The following SIPA1L3 variants were observed in gnomAD, a reference collection of about 807,000 sequenced individuals.
SIPA1L3 encodes signal-induced proliferation-associated 1-like protein 3.
A neutral mutation model predicts 150.1 loss-of-function variants in SIPA1L3; 59 were observed. The observed-to-expected ratio is 0.39, with a 90% CI of 0.32 to 0.49. The LOEUF (loss-of-function observed/expected upper bound fraction) is 0.49, where lower values mean the gene tolerates loss of function less well. Ranked by LOEUF, SIPA1L3 falls within the 20% of genes least tolerant of loss-of-function variation. The pLI is 0.86. For synonymous variants in SIPA1L3, 1,070 were observed against 1,077.6 expected (o/e 0.99, Z 0.14); for missense variants, 2,211 against 2,489.5 (o/e 0.89, Z 2.38).
intron 15 of SIPA1L3, among the ~76,000 whole-genome samples, chr19:38,166,951 G>A (rs1309046145): frequency 6.6e-6 from 1 of 151,408 alleles, no homozygotes; most frequent in Admixed American, 6.6e-5. Flanking sequence ...AAAAAAAAAG[G>A]TGGCTTTGAG....
intron 1 of SIPA1L3, among the ~76,000 whole-genome samples, chr19:37,915,767 T>C (rs1383116995): frequency 6.6e-6 from 1 of 152,234 alleles, no homozygotes; most frequent in Admixed American, 6.5e-5. Flanking sequence ...TTCTTGGACC[T>C]GTAAGGGCCC....
At chr19:38,056,634 A>C (rs12459650) in intron 2 of SIPA1L3, among the ~76,000 whole-genome samples, 9,157 of 152,300 alleles carry the variant, frequency 0.06, 763 homozygotes, top group East Asian at 0.37. Context: ...TATCGTGGTT[A>C]CTGCTTTGTT....
At chr19:37,912,149 A>G (rs922678174) in intron 1 of SIPA1L3, among the ~76,000 whole-genome samples, 1 of 151,938 alleles carries the variant, frequency 6.6e-6, no homozygotes, top group African/African-American at 2.4e-5. Context: ...AGGCAGGAGA[A>G]TTGCTTGAAC....
At chr19:38,069,467 A>C (rs540533043) in intron 2 of SIPA1L3, among the ~76,000 whole-genome samples, 29 of 151,850 alleles carry the variant, frequency 1.9e-4, no homozygotes, top group Non-Finnish European at 3.7e-4. Flanking sequence ...CCACCTGCCC[A>C]CTTGGATGTA....
intron 1 of SIPA1L3, among the ~76,000 whole-genome samples, chr19:37,929,403 GC>G (rs2046533622): frequency 6.6e-6 from 1 of 152,236 alleles, no homozygotes; most frequent in South Asian, 2.1e-4. Context: ...GTGCTTACCA[GC>G]TTTGTTTTGT....
At chr19:38,156,412 C>A (rs988566808) in intron 13 of SIPA1L3, among the ~76,000 whole-genome samples, 17 of 151,378 alleles carry the variant, frequency 1.1e-4, no homozygotes, top group Non-Finnish European at 2.1e-4. Flanking sequence ...TCCCTTCCCT[C>A]TTCTGTCCCC....
intron 3 of SIPA1L3, 150 bp from the exon 4 acceptor site, chr19:38,088,571 G>T (rs183472869): frequency 3.8e-4 from 346 of 905,886 alleles, no homozygotes; most frequent in Non-Finnish European, 4.8e-4. Context: ...TCCACTGGGG[G>T]TGTCTGTGAC....
intron 1 of SIPA1L3, among the ~76,000 whole-genome samples, chr19:37,956,185 G>A (rs1048027041): frequency 6.6e-5 from 10 of 152,108 alleles, no homozygotes; most frequent in Non-Finnish European, 1.2e-4. Context: ...CCTCACCAAC[G>A]CTTATTGTTA....
chr19:38,057,898 G>A (rs111263607), intron 2 of SIPA1L3, among the ~76,000 whole-genome samples: 5 of 152,020 alleles, frequency 3.3e-5, no homozygotes, highest in East Asian at 1.9e-4. Context: ...TCCTGACCTC[G>A]TGATCCACCC....
intron 1 of SIPA1L3, among the ~76,000 whole-genome samples, chr19:37,918,871 A>AAAATAAATAAAT (rs56883776): frequency 1.2e-3 from 167 of 140,304 alleles, no homozygotes; most frequent in Non-Finnish European, 1.7e-3. Flanking sequence ...ACTCGGTCTC[A>AAAATAAATAAAT]AAATAAATAA....
At chr19:37,986,227 C>T (rs1322935250) in intron 1 of SIPA1L3, among the ~76,000 whole-genome samples, 1 of 152,198 alleles carries the variant, frequency 6.6e-6, no homozygotes, top group African/African-American at 2.4e-5. Context: ...ACACCTTGGG[C>T]AAATGCCTTC....
intron 4 of SIPA1L3, among the ~76,000 whole-genome samples, chr19:38,094,795 G>A (rs1333328620): frequency 6.6e-6 from 1 of 152,038 alleles, no homozygotes; most frequent in Non-Finnish European, 1.5e-5. Context: ...TGCCAGGCGT[G>A]GTAGCTCACG....
chr19:38,049,096 G>T (rs564182578), intron 2 of SIPA1L3, among the ~76,000 whole-genome samples: 1 of 151,902 alleles, frequency 6.6e-6, no homozygotes, highest in East Asian at 1.9e-4. Flanking sequence ...AAAAAGCGGG[G>T]GGTGGACAGG....
chr19:38,058,354 A>G (rs1969370958), intron 2 of SIPA1L3, among the ~76,000 whole-genome samples: 1 of 152,036 alleles, frequency 6.6e-6, no homozygotes, highest in African/African-American at 2.4e-5. Flanking sequence ...TCCTAACAGT[A>G]GCCTGGCCCC....
intron 6 of SIPA1L3, among the ~76,000 whole-genome samples, chr19:38,101,976 G>A (rs1411877776): frequency 6.6e-6 from 1 of 152,124 alleles, no homozygotes; most frequent in Non-Finnish European, 1.5e-5. Flanking sequence ...GCTGCGCAAA[G>A]ACAGCAAGCC....
chr19:38,191,032 A>G (rs1972794053), intron 16 of SIPA1L3, among the ~76,000 whole-genome samples: 1 of 152,196 alleles, frequency 6.6e-6, no homozygotes, highest in African/African-American at 2.4e-5. Context: ...ACAAGTGGCT[A>G]AACTCCTCTG....
intron 8 of SIPA1L3, among the ~76,000 whole-genome samples, chr19:38,115,563 T>G (rs573611841): frequency 6.6e-6 from 1 of 152,294 alleles, no homozygotes; most frequent in South Asian, 2.1e-4. Context: ...CCGTGTGGCC[T>G]TGCCCCTGGT....
At position 38,144,013 on chromosome 19, in the gene SIPA1L3, G is replaced by A. The variant is rs546093330; in HGVS notation, c.3533+1303G>A. ...TCCCAGCTTCCTAGGGGGACTGTCT[G>A]TATTTCAGAGCCTTGATGGTGTTCC... On this transcript the variant is annotated intron_variant, in intron 12 of 21. Transcript: ENST00000222345. 4.8e-4 allele frequency among the ~76,000 whole-genome samples: 73 copies of A among 152,260 alleles called. 1 individual carries two copies. The highest frequency in any genetic ancestry group is 7.2e-4 in the Admixed American group (11 of 15,292).
chr19:38,182,657 G>GT lies in SIPA1L3; in HGVS notation c.4347_4348insT (p.Pro1450SerfsTer5). On this transcript the variant is annotated frameshift_variant, in exon 16 of 22. Coordinates refer to ENST00000222345, the MANE Select transcript of SIPA1L3 (RefSeq NM_015073.3). LOFTEE classifies it high-confidence loss of function. The stretch of plus-strand genomic sequence containing the variant: ...TCCCCAAGTCCTTCTTCTCCAAGCA[G>GT]CCTGTACGCAATAAGCACCCAACAG... 6.2e-7 allele frequency: 1 copy of GT among 1,614,138 alleles called. No individual in the cohort carries two copies. Among genetic ancestry groups the GT allele is most frequent in the Non-Finnish European group, 8.5e-7 (1 of 1,180,016 alleles).
Sources: gnomAD v4.1 joint callset for allele counts (sites outside exome capture counted in the v4.1 genomes callset) on GRCh38, gnomAD v4.1.1 for gene constraint, MANE v1.5 for transcripts, NCBI Gene and HGNC (gene_info 2026-07-23, HGNC 2026-07-21) for gene names.